DDX60L: variants seen among roughly 807,000 people sequenced by gnomAD.
DDX60L encodes DExD/H-box 60 like.
In DDX60L, 191 loss-of-function variants were observed where a neutral mutation model predicts 211.6. The ratio of observed to expected loss-of-function variants is 0.90; its 90% CI spans 0.80 to 1.02. The LOEUF is 1.02. Among genes scored for constraint, DDX60L ranks in the 50% least tolerant of loss-of-function variants. The pLI is 0.00. For synonymous variants in DDX60L, 706 were observed against 694.1 expected (o/e 1.02, Z -0.27); for missense variants, 2,007 against 1,984.1 (o/e 1.01, Z -0.22).
intron 25 of DDX60L, among the ~76,000 whole-genome samples, chr4:168,402,414 A>G (rs546825612): frequency 6.6e-6 from 1 of 152,082 alleles, no homozygotes; most frequent in South Asian, 2.1e-4. Context: ...ATCTATGACA[A>G]GAGTCCAGTG....
At chr4:168,393,118 C>T (rs551772720) in intron 28 of DDX60L, among the ~76,000 whole-genome samples, 1 of 152,096 alleles carries the variant, frequency 6.6e-6, no homozygotes, top group Non-Finnish European at 1.5e-5. Flanking sequence ...GAAAACTGAG[C>T]AGAGTTGTTC....
chr4:168,472,495 C>T lies in DDX60L; in HGVS notation c.34G>A (p.Glu12Lys). ...GSKDHAVFFR[E>K]MTQLILNEMP... Reference sequence around the variant, plus strand: ...TCATTCAAAATTAACTGTGTCATTTCCCTGAAAAATACTGCATGATCCTTT... The same window carrying T: ...TCATTCAAAATTAACTGTGTCATTTTCCTGAAAAATACTGCATGATCCTTT... Residue 12 changes from glutamate to lysine, a missense_variant, in exon 3 of 38, where the codon GAA becomes AAA. Coordinates refer to ENST00000682922, the MANE Select transcript of DDX60L (RefSeq NM_001012967.3). 1 of 1,576,734 alleles carries T rather than the reference C, an allele frequency of 6.3e-7. No individual in the cohort carries two copies.
At chr4:168,363,553 A>G (rs72693199) in intron 36 of DDX60L, among the ~76,000 whole-genome samples, 11,422 of 152,264 alleles carry the variant, frequency 0.075, 627 homozygotes, top group Admixed American at 0.13. Context: ...TAAGTCAACA[A>G]AAACAGAAAT....
chr4:168,473,550 C>T (rs2150152623), intron 1 of DDX60L, among the ~76,000 whole-genome samples: 1 of 152,260 alleles, frequency 6.6e-6, no homozygotes, highest in Admixed American at 6.5e-5. Flanking sequence ...TCACAGATGA[C>T]TCCTCAGATC....
Position 168,416,784 on chromosome 4 carries a change from C to A in DDX60L, c.2624G>T (p.Gly875Val), listed in dbSNP as rs1418518663. 1.9e-6 allele frequency: 3 copies of A among 1,582,692 alleles called. No individual in the cohort carries two copies. In the African/African-American group the frequency reaches 4.1e-5, roughly 22 times the overall value. Reference sequence around the variant, plus strand: ...CCAAAATTTTGCTCCAACTTCTCTGCCAAGATAATGGACCTAGTAAAGAAA... The same window carrying A: ...CCAAAATTTTGCTCCAACTTCTCTGACAAGATAATGGACCTAGTAAAGAAA... ...YVIFDEVHYL[G>V]REVGAKFWEL... Residue 875 changes from glycine to valine, a missense_variant, in exon 20 of 38, where the codon GGC (glycine) becomes GTC (valine). Coordinates refer to ENST00000682922, the MANE Select transcript of DDX60L (RefSeq NM_001012967.3).
At chr4:168,385,185 C>T (rs751628270) in intron 29 of DDX60L, among the ~76,000 whole-genome samples, 1 of 152,262 alleles carries the variant, frequency 6.6e-6, no homozygotes. Context: ...AGCCCCTCCT[C>T]GCAATTTCTG....
intron 29 of DDX60L, chr4:168,390,156 A>G: frequency 1.0e-6 from 1 of 991,542 alleles, no homozygotes; most frequent in East Asian, 1.1e-4. Flanking sequence ...TCATCAGGGC[A>G]GGATAACAAA....
chr4:168,478,592 C>G (rs1759936753), intron 1 of DDX60L, among the ~76,000 whole-genome samples: 1 of 152,106 alleles, frequency 6.6e-6, no homozygotes, highest in African/African-American at 2.4e-5. Flanking sequence ...CAGGGAAAAC[C>G]ACAGAGATTT....
At chr4:168,446,642 T>G (rs1037235729) in intron 9 of DDX60L, among the ~76,000 whole-genome samples, 1 of 151,652 alleles carries the variant, frequency 6.6e-6, no homozygotes, top group Non-Finnish European at 1.5e-5. Context: ...ACTACAAGGC[T>G]ACAGGAACCA....
At chr4:168,419,245 A>G in intron 19 of DDX60L, 57 bp downstream of exon 19, 1 of 1,220,896 alleles carries the variant, frequency 8.2e-7, no homozygotes, top group Non-Finnish European at 1.1e-6. Flanking sequence ...TTTAAATTAC[A>G]AATTATAGGG....
chr4:168,454,758 C>CTTTTTTTTTTTTTTTTTTTTTTTTAT (rs767461447), intron 7 of DDX60L, among the ~76,000 whole-genome samples: 1 of 88,656 alleles, frequency 1.1e-5, no homozygotes, highest in Non-Finnish European at 2.1e-5. Context: ...AAACAGCTTC[C>CTTTTTTTTTTTTTTTTTTTTTTTTAT]TTTTTTTTTT....
intron 13 of DDX60L, among the ~76,000 whole-genome samples, chr4:168,429,034 T>C (rs565614920): frequency 6.6e-6 from 1 of 152,166 alleles, no homozygotes; most frequent in Non-Finnish European, 1.5e-5. Flanking sequence ...CTTAAAAACA[T>C]GGACAGTTTT....
intron 4 of DDX60L, among the ~76,000 whole-genome samples, chr4:168,464,837 T>C (rs1757773127): frequency 6.6e-6 from 1 of 152,180 alleles, no homozygotes; most frequent in Non-Finnish European, 1.5e-5. Flanking sequence ...ATTTTGTTTT[T>C]TATAGCCAAA....
At chr4:168,358,524 C>CTTTTTTTTTTTTTTT (rs70961514) in intron 37 of DDX60L, among the ~76,000 whole-genome samples, 3 of 108,306 alleles carry the variant, frequency 2.8e-5, no homozygotes, top group African/African-American at 3.2e-5. Context: ...TTTTCTTTTT[C>CTTTTTTTTTTTTTTT]TTTTTTTTTT....
intron 32 of DDX60L, among the ~76,000 whole-genome samples, chr4:168,378,807 A>G (rs1300554570): frequency 6.6e-6 from 1 of 152,146 alleles, no homozygotes; most frequent in Non-Finnish European, 1.5e-5. Context: ...GCATGAATAT[A>G]AACATATCCC....
intron 10 of DDX60L, among the ~76,000 whole-genome samples, chr4:168,440,655 A>G (rs531865058): frequency 6.6e-6 from 1 of 152,210 alleles, no homozygotes; most frequent in Admixed American, 6.5e-5. Flanking sequence ...GACTCATTGC[A>G]CTTCTCTTCA....
rs959125116 is a variant in DDX60L, at chr4:168,411,082, A to G, written c.2979+4326T>C. On this transcript the variant is annotated intron_variant, in intron 22 of 37. Coordinates refer to ENST00000682922, the MANE Select transcript of DDX60L (RefSeq NM_001012967.3). ...TAATGAAAGCTAGAAGAATGTATAC[A>G]CACACAATTTAGGGGTTTTTCACTT... 2.0e-5 allele frequency among the ~76,000 whole-genome samples: 3 copies of G among 152,320 alleles called. No homozygotes were observed. In the East Asian group the frequency reaches 5.8e-4, roughly 29 times the overall value.
intron 10 of DDX60L, among the ~76,000 whole-genome samples, chr4:168,438,600 A>G (rs935841940): frequency 1.3e-5 from 2 of 152,192 alleles, no homozygotes; most frequent in African/African-American, 4.8e-5. Context: ...TTTGTAGACA[A>G]TTTGATTTCA....
intron 4 of DDX60L, chr4:168,470,042 T>G (rs185496545): frequency 2.0e-5 from 3 of 152,330 alleles, no homozygotes; most frequent in Admixed American, 2.0e-4. Flanking sequence ...TCACAAGTCA[T>G]AGTATACAAA....
Sources: gnomAD v4.1 joint callset for allele counts (sites outside exome capture counted in the v4.1 genomes callset) on GRCh38, gnomAD v4.1.1 for gene constraint, MANE v1.5 for transcripts, NCBI Gene and HGNC (gene_info 2026-07-23, HGNC 2026-07-21) for gene names.